MPC2: variants seen among roughly 807,000 people sequenced by gnomAD.
MPC2 encodes brain protein 44.
MPC2 carries 19 observed loss-of-function variants against 19.2 expected under a neutral mutation model. The observed-to-expected ratio is 0.99, with a 90% CI of 0.69 to 1.45. The LOEUF (loss-of-function observed/expected upper bound fraction) is 1.45, where lower values mean the gene tolerates loss of function less well. Ranked by LOEUF, MPC2 falls within the 40% of genes most tolerant of loss-of-function variation. MPC2 has a pLI of 0.00. For synonymous variants in MPC2, 61 were observed against 54.3 expected (o/e 1.12, Z -0.54); for missense variants, 122 against 153.0 (o/e 0.80, Z 1.07).
intron 2 of MPC2, among the ~76,000 whole-genome samples, chr1:167,931,941 A>C (rs1670923891): frequency 6.6e-6 from 1 of 152,224 alleles, no homozygotes; most frequent in African/African-American, 2.4e-5. Context: ...TCTTATTTAG[A>C]CTTTAAAGTA....
At chr1:167,932,666 G>A (rs1670942127) in intron 2 of MPC2, among the ~76,000 whole-genome samples, 1 of 151,970 alleles carries the variant, frequency 6.6e-6, no homozygotes, top group Non-Finnish European at 1.5e-5. Context: ...AAAATTAGCT[G>A]AGCATGGTGG....
chr1:167,928,453 T>A (rs2102549175), intron 2 of MPC2, among the ~76,000 whole-genome samples: 2 of 152,184 alleles, frequency 1.3e-5, no homozygotes, highest in East Asian at 3.9e-4. Flanking sequence ...ATATGTCAAA[T>A]AAAGCTAGAC....
rs761684083 is a variant in MPC2 at position 167,918,308 on chromosome 1, T to TG, written c.*14dup. On this transcript the variant is annotated 3_prime_UTR_variant, in exon 6 of 6. Coordinates refer to ENST00000271373, the MANE Select transcript of MPC2 (RefSeq NM_001143674.4). ...TTTGTCCACATCTAGATTGTTCAGGTGATCAGGAACTCTTTTATTTGTGTG... is the reference window on the plus strand; with the variant it reads ...TTTGTCCACATCTAGATTGTTCAGGTGGATCAGGAACTCTTTTATTTGTGTG... 1 of 1,563,654 alleles carries TG rather than the reference T, an allele frequency of 6.4e-7. No homozygotes were observed. The highest frequency in any genetic ancestry group is 8.8e-7 in the Non-Finnish European group (1 of 1,139,056).
chr1:167,920,450 G>A (rs1363618204), intron 4 of MPC2, 97 bp downstream of exon 4: 2 of 1,208,734 alleles, frequency 1.7e-6, no homozygotes, highest in African/African-American at 1.5e-5. Context: ...GTGTGTGGGT[G>A]TATTTCAAAC....
At chr1:167,929,450 T>A (rs1670847167) in intron 2 of MPC2, among the ~76,000 whole-genome samples, 1 of 152,230 alleles carries the variant, frequency 6.6e-6, no homozygotes, top group Non-Finnish European at 1.5e-5. Context: ...TGTGTTTTAT[T>A]GCCTTATTTT....
intron 5 of MPC2, among the ~76,000 whole-genome samples, 192 bp downstream of exon 5, chr1:167,919,787 T>C (rs1236709231): frequency 6.6e-6 from 1 of 152,146 alleles, no homozygotes; most frequent in Admixed American, 6.5e-5. Context: ...TGTAAACCCC[T>C]AGACTTTTCT....
At chr1:167,923,335 TA>T (rs1209604097) in intron 3 of MPC2, among the ~76,000 whole-genome samples, 1 of 152,098 alleles carries the variant, frequency 6.6e-6, no homozygotes, top group Non-Finnish European at 1.5e-5. Context: ...CAAAATGTGG[TA>T]AATACATACA....
chr1:167,928,941 C>T lies in MPC2; in HGVS notation c.110-4404G>A, dbSNP rs543593061. Among the ~76,000 whole-genome samples the T allele has an allele frequency of 4.6e-5, 7 of 152,310 alleles. No homozygotes were observed. The South Asian group carries it at 1.0e-3, about 23-fold the overall frequency. On this transcript the variant is annotated intron_variant, in intron 2 of 5. Coordinates refer to ENST00000271373, the MANE Select transcript of MPC2 (RefSeq NM_001143674.4). Reference sequence around the variant, plus strand: ...AAAGAAATTGTCCACATCAAACATACTATATATTCTTTTAGAAAAAGAATT... The same window carrying T: ...AAAGAAATTGTCCACATCAAACATATTATATATTCTTTTAGAAAAAGAATT...
rs201145744 is a variant in MPC2, at chr1:167,925,438, T to TAC, written c.110-903_110-902dup. Among the ~76,000 whole-genome samples, 187 of 79,008 alleles carry TAC rather than the reference T, an allele frequency of 2.4e-3. 1 individual carries two copies. The highest frequency in any genetic ancestry group is 9.3e-3 in the East Asian group (31 of 3,348). The allele number at this position is 79,008 out of a possible 152,430, so 51.8% of individuals were successfully genotyped here. On this transcript the variant is annotated intron_variant, in intron 2 of 5. Coordinates refer to ENST00000271373, the MANE Select transcript of MPC2 (RefSeq NM_001143674.4). ...TATATATAATATACAGATATACATATACACATATATATATATATATATATA... is the reference window on the plus strand; with the variant it reads ...TATATATAATATACAGATATACATATACACACATATATATATATATATATATA...
chr1:167,933,092 A>C (rs1448567199), intron 2 of MPC2, among the ~76,000 whole-genome samples: 1 of 152,082 alleles, frequency 6.6e-6, no homozygotes, highest in Non-Finnish European at 1.5e-5. Context: ...GGATAATGAG[A>C]GCCTCAAAAT....
At chr1:167,936,165 C>A in intron 1 of MPC2, 1 of 309,470 alleles carries the variant, frequency 3.2e-6, no homozygotes. Flanking sequence ...TGGCAGCGCG[C>A]TTGCGCAGGC....
At chr1:167,932,267 T>C (rs1191497472) in intron 2 of MPC2, among the ~76,000 whole-genome samples, 1 of 152,124 alleles carries the variant, frequency 6.6e-6, no homozygotes, top group East Asian at 1.9e-4. Context: ...AAATCATTTA[T>C]ATATTTATAA....
At chr1:167,927,647 T>C (rs1670794187) in intron 2 of MPC2, among the ~76,000 whole-genome samples, 1 of 152,120 alleles carries the variant, frequency 6.6e-6, no homozygotes, top group South Asian at 2.1e-4. Context: ...CAAGCTTAAA[T>C]GGCTGACAGG....
intron 1 of MPC2, 177 bp from the exon 2 acceptor site, chr1:167,936,075 G>C (rs563568591): frequency 6.0e-5 from 35 of 580,328 alleles, no homozygotes; most frequent in South Asian, 5.8e-4. Context: ...GTCCGCCTCC[G>C]GCCCCCGGCA....
At chr1:167,934,439 CA>C (rs34137322) in intron 2 of MPC2, among the ~76,000 whole-genome samples, 2 of 151,980 alleles carry the variant, frequency 1.3e-5, no homozygotes, top group Admixed American at 6.6e-5. Flanking sequence ...AGCATAATTC[CA>C]AAAAAATTGA....
intron 2 of MPC2, among the ~76,000 whole-genome samples, chr1:167,933,075 G>C (rs1454669667): frequency 6.6e-6 from 1 of 151,944 alleles, no homozygotes; most frequent in Non-Finnish European, 1.5e-5. Flanking sequence ...AAAACACATA[G>C]GCAAATGGAT....
intron 2 of MPC2, among the ~76,000 whole-genome samples, chr1:167,925,486 TAC>T (rs1234045172): frequency 5.2e-5 from 7 of 134,620 alleles, no homozygotes; most frequent in Middle Eastern, 3.8e-3. Flanking sequence ...CATATACATA[TAC>T]ACACACATAT....
At chr1:167,930,026 G>C (rs1052656726) in intron 2 of MPC2, among the ~76,000 whole-genome samples, 1 of 151,892 alleles carries the variant, frequency 6.6e-6, no homozygotes, top group Non-Finnish European at 1.5e-5. Flanking sequence ...GTTAATCTTT[G>C]ACATGGATAC....
chr1:167,923,902 G>T (rs1446034164), intron 3 of MPC2, among the ~76,000 whole-genome samples: 1 of 152,136 alleles, frequency 6.6e-6, no homozygotes, highest in Non-Finnish European at 1.5e-5. Context: ...CACAGTTATA[G>T]ACCCAAACTG....
Sources: gnomAD v4.1 joint callset for allele counts (sites outside exome capture counted in the v4.1 genomes callset) on GRCh38, gnomAD v4.1.1 for gene constraint, MANE v1.5 for transcripts, NCBI Gene and HGNC (gene_info 2026-07-23, HGNC 2026-07-21) for gene names.